PTPRE: variants seen among roughly 807,000 people sequenced by gnomAD.
PTPRE encodes protein tyrosine phosphatase receptor type E.
PTPRE carries 51 observed loss-of-function variants against 102.0 expected under a neutral mutation model. The ratio of observed to expected loss-of-function variants is 0.50; its 90% CI spans 0.40 to 0.63. PTPRE has a LOEUF of 0.63. Ranked by LOEUF, PTPRE falls within the 30% of genes least tolerant of loss-of-function variation. The pLI, the probability that PTPRE is intolerant of heterozygous loss-of-function variation, is 0.00. For synonymous variants in PTPRE, 345 were observed against 348.2 expected (o/e 0.99, Z 0.10); for missense variants, 752 against 915.1 (o/e 0.82, Z 2.30).
At chr10:127,923,198 G>A (rs1231384375) in intron 1 of PTPRE, among the ~76,000 whole-genome samples, 1 of 152,194 alleles carries the variant, frequency 6.6e-6, no homozygotes, top group African/African-American at 2.4e-5. Flanking sequence ...TCTCCCTGTT[G>A]TTGCCCAATT....
In PTPRE at chr10:128,077,679, T is replaced by C; in HGVS notation, c.1788T>C (p.Pro596=). 1 of 1,613,770 alleles carries C rather than the reference T, an allele frequency of 6.2e-7. No individual in the cohort carries two copies. The highest frequency in any genetic ancestry group is 1.3e-5 in the African/African-American group (1 of 75,050). The change falls in exon 19 of 21, where the codon CCT becomes CCC. Residue 596 remains proline, a synonymous_variant. Transcript: ENST00000254667. Reference sequence around the variant, plus strand: ...GCCAGTTTCACTTCCACGGCTGGCCTGAGATCGGGATTCCCGCCGAGGGCA... The same window carrying C: ...GCCAGTTTCACTTCCACGGCTGGCCCGAGATCGGGATTCCCGCCGAGGGCA... ...VVRQFHFHGW[P]EIGIPAEGKG... is the part of the protein sequence containing the mutation.
intron 2 of PTPRE, among the ~76,000 whole-genome samples, chr10:127,993,976 AG>A (rs1589940988): frequency 6.6e-6 from 1 of 152,198 alleles, no homozygotes; most frequent in Non-Finnish European, 1.5e-5. Context: ...ATGGAGCAGA[AG>A]GTGGGCCAGG....
intron 2 of PTPRE, among the ~76,000 whole-genome samples, chr10:127,993,063 G>A (rs1852848560): frequency 6.6e-6 from 1 of 152,126 alleles, no homozygotes; most frequent in Non-Finnish European, 1.5e-5. Flanking sequence ...ACAGAATCTA[G>A]GGTCCTGATT....
rs146692504 is a variant in PTPRE, at chr10:127,913,147, G to C, written c.-31+5838G>C. Among the ~76,000 whole-genome samples the C allele has an allele frequency of 4.3e-4, 66 of 152,322 alleles. 1 individual carries two copies. The highest frequency in any genetic ancestry group is 3.1e-3 in the East Asian group (16 of 5,168). On this transcript the variant is annotated intron_variant, in intron 1 of 20. Coordinates refer to ENST00000254667, the MANE Select transcript of PTPRE (RefSeq NM_006504.6). ...CGCCAAGGCAGCTGCACGGGGATCGGTGGAGGTGGTACGCAGAGGCCTGGC... is the reference window on the plus strand; with the variant it reads ...CGCCAAGGCAGCTGCACGGGGATCGCTGGAGGTGGTACGCAGAGGCCTGGC...
intron 1 of PTPRE, among the ~76,000 whole-genome samples, chr10:127,967,723 A>G (rs910058233): frequency 2.0e-5 from 3 of 152,130 alleles, no homozygotes; most frequent in Non-Finnish European, 4.4e-5. Context: ...CTGAACTTTC[A>G]AGTGAGCCAG....
intron 2 of PTPRE, among the ~76,000 whole-genome samples, chr10:128,014,683 A>G (rs1478778370): frequency 6.6e-6 from 1 of 152,158 alleles, no homozygotes; most frequent in African/African-American, 2.4e-5. Context: ...GCTTTGAGTC[A>G]GGAAGAAAAA....
intron 2 of PTPRE, among the ~76,000 whole-genome samples, chr10:128,012,353 C>A (rs1333839414): frequency 6.6e-6 from 1 of 152,194 alleles, no homozygotes; most frequent in Non-Finnish European, 1.5e-5. Flanking sequence ...AACTTCCTGG[C>A]CAATAAACCA....
intron 1 of PTPRE, among the ~76,000 whole-genome samples, chr10:127,918,402 C>T (rs2135165364): frequency 6.6e-6 from 1 of 151,962 alleles, no homozygotes; most frequent in Admixed American, 6.5e-5. Context: ...ACTAAAAACA[C>T]ACAAAAAATA....
At chr10:127,910,037 T>C (rs1204567682) in intron 1 of PTPRE, among the ~76,000 whole-genome samples, 1 of 152,192 alleles carries the variant, frequency 6.6e-6, no homozygotes, top group Non-Finnish European at 1.5e-5. Flanking sequence ...CCGTATTCCC[T>C]TGCTAGACAA....
intron 2 of PTPRE, among the ~76,000 whole-genome samples, chr10:128,037,409 C>A (rs1847308067): frequency 6.6e-6 from 1 of 152,226 alleles, no homozygotes; most frequent in African/African-American, 2.4e-5. Context: ...TGCTCCCTCA[C>A]CTTTGCTCCT....
intron 1 of PTPRE, among the ~76,000 whole-genome samples, chr10:127,969,128 A>C (rs941279662): frequency 3.3e-5 from 5 of 152,252 alleles, no homozygotes; most frequent in African/African-American, 1.2e-4. Flanking sequence ...ATCTGGGGTT[A>C]TGATAGTGCA....
intron 2 of PTPRE, among the ~76,000 whole-genome samples, chr10:127,985,001 A>G (rs1299038439): frequency 6.6e-6 from 1 of 152,230 alleles, no homozygotes; most frequent in African/African-American, 2.4e-5. Context: ...CAGGATATCT[A>G]TTAATGGAAG....
chr10:127,942,524 G>T (rs2135298247), intron 1 of PTPRE, among the ~76,000 whole-genome samples: 1 of 152,330 alleles, frequency 6.6e-6, no homozygotes, highest in Non-Finnish European at 1.5e-5. Context: ...TACATGCAAT[G>T]GAATGCTGTT....
chr10:127,940,968 A>C (rs755656358), intron 1 of PTPRE, among the ~76,000 whole-genome samples: 5 of 152,224 alleles, frequency 3.3e-5, no homozygotes, highest in Non-Finnish European at 7.3e-5. Flanking sequence ...GCTTGAAGAC[A>C]AGAAAGGTTC....
chr10:127,914,881 A>C (rs1434130010), intron 1 of PTPRE, among the ~76,000 whole-genome samples: 1 of 152,226 alleles, frequency 6.6e-6, no homozygotes, highest in Non-Finnish European at 1.5e-5. Context: ...ACAATTTCAG[A>C]GAGCACAGGG....
At chr10:128,071,014 G>T in intron 15 of PTPRE, 113 bp downstream of exon 15, 2 of 1,042,532 alleles carry the variant, frequency 1.9e-6, no homozygotes, top group South Asian at 2.9e-5. Context: ...TCAAAAGCAG[G>T]GTGTCCTCTG....
Position 127,952,881 on chromosome 10 carries a change from T to C in PTPRE, c.-30-29393T>C, listed in dbSNP as rs115789583. On this transcript the variant is annotated intron_variant, in intron 1 of 20. Coordinates refer to ENST00000254667, the MANE Select transcript of PTPRE (RefSeq NM_006504.6). ...TGAAGTAGCAACCACTCTGGACTTA[T>C]AGGTTAGACATTCGTATATCAGAGA... Among the ~76,000 whole-genome samples the C allele has an allele frequency of 3.5e-3, 538 of 152,304 alleles. 5 individuals are homozygous for C. The highest frequency in any genetic ancestry group is 0.012 in the African/African-American group (513 of 41,558).
rs573656061 is a variant in PTPRE at position 128,084,638 on chromosome 10, G to A, written c.*1732G>A. On this transcript the variant is annotated 3_prime_UTR_variant, in exon 21 of 21. Coordinates refer to ENST00000254667, the MANE Select transcript of PTPRE (RefSeq NM_006504.6). ...TCTCTGTACAATGATTCAGCATCTC[G>A]GCGGAAGAGGAAAATGGAGCTTTTT... 4 of 153,220 alleles carry A rather than the reference G, an allele frequency of 2.6e-5. No homozygotes were observed. The highest frequency in any genetic ancestry group is 1.9e-4 in the East Asian group (1 of 5,222). The allele number at this position is 153,220 out of a possible 1,614,324, so 9.5% of individuals were successfully genotyped here. A position where few individuals can be genotyped will look rare whatever the true frequency, so the allele number is the denominator to read the frequency against.
intron 1 of PTPRE, among the ~76,000 whole-genome samples, chr10:127,971,434 T>C (rs7095766): frequency 0.43 from 64,786 of 152,040 alleles, 16,539 homozygotes; most frequent in African/African-American, 0.72. Flanking sequence ...GGGCCCTTCT[T>C]AGCTCTCCAC....
Sources: allele counts gnomAD v4.1 joint callset (sites outside exome capture counted in the v4.1 genomes callset), GRCh38; gene constraint gnomAD v4.1.1; transcripts MANE v1.5; gene names NCBI Gene and HGNC (gene_info 2026-07-23, HGNC 2026-07-21).